NUP153: variants seen among roughly 807,000 people sequenced by gnomAD.
NUP153 encodes nuclear pore complex protein Nup153.
In NUP153, 27 loss-of-function variants were observed where a neutral mutation model predicts 134.6. The observed-to-expected ratio is 0.20, with a 90% CI of 0.15 to 0.28. NUP153 has a LOEUF of 0.28. Ranked by LOEUF, NUP153 falls within the 10% of genes least tolerant of loss-of-function variation. The pLI is 1.00. For synonymous variants in NUP153, 640 were observed against 623.5 expected (o/e 1.03, Z -0.40); for missense variants, 1,821 against 1,731.3 (o/e 1.05, Z -0.92).
intron 2 of NUP153, among the ~76,000 whole-genome samples, chr6:17,678,253 G>A (rs1427533487): frequency 6.6e-6 from 1 of 150,714 alleles, no homozygotes; most frequent in East Asian, 2.0e-4. Flanking sequence ...CTACCTGGGA[G>A]GCTGAAGCAC....
intron 18 of NUP153, among the ~76,000 whole-genome samples, chr6:17,627,415 A>G (rs1453886564): frequency 6.6e-6 from 1 of 152,202 alleles, no homozygotes; most frequent in African/African-American, 2.4e-5. Flanking sequence ...ATTATTCAAA[A>G]GTATTCATGG....
chr6:17,643,289 T>C (rs923671491), intron 14 of NUP153, among the ~76,000 whole-genome samples: 4 of 152,140 alleles, frequency 2.6e-5, no homozygotes, highest in Admixed American at 2.6e-4. Context: ...CCTGGCAACA[T>C]GACGAAACCC....
Position 17,629,200 on chromosome 6 carries a change from A to G in NUP153, c.2999T>C (p.Phe1000Ser). The change falls in exon 18 of 22, where the codon TTT becomes TCT. Residue 1000 changes from phenylalanine (F) to serine (S), a missense_variant. Physicochemically the swap from Phe to Ser is radical, Grantham distance 155. Transcript: ENST00000262077. The stretch of plus-strand genomic sequence containing the variant: ...TTCCTGTCCAAGATTAGATACCCCA[A>G]ATTGAAATGGAGTTAAAGAAACTGG... ...SNPVSLTPFQFGVSNLGQEEK... is the reference protein window; with the variant it reads ...SNPVSLTPFQSGVSNLGQEEK... 3 of 1,613,340 alleles carry G rather than the reference A, an allele frequency of 1.9e-6. No individual in the cohort carries two copies. Among genetic ancestry groups the G allele is most frequent in the Non-Finnish European group, 2.5e-6 (3 of 1,179,858 alleles).
chr6:17,691,045 G>A (rs1166329138), intron 1 of NUP153, among the ~76,000 whole-genome samples: 1 of 152,180 alleles, frequency 6.6e-6, no homozygotes, highest in Non-Finnish European at 1.5e-5. Flanking sequence ...AGGAGGCTGA[G>A]GCAGGAAAAT....
intron 16 of NUP153, among the ~76,000 whole-genome samples, chr6:17,634,223 T>C (rs930853516): frequency 1.1e-4 from 16 of 152,312 alleles, no homozygotes; most frequent in African/African-American, 3.6e-4. Flanking sequence ...CAGTGCCATG[T>C]AGTTTTTGTT....
rs574054743 is a variant in NUP153 at position 17,669,474 on chromosome 6, G to A, written c.925C>T (p.Arg309Trp). Residue 309 changes from arginine to tryptophan, a missense_variant, in exon 6 of 22, where the codon CGG becomes TGG. By Grantham distance (101) the Arg-to-Trp change is moderately radical. Transcript: ENST00000262077. ...QSYGVTSSTA[R>W]RILQSLEKMS... Reference sequence around the variant, plus strand: ...TTCTCTAAAGACTGCAATATTCGCCGAGCTGTTGAACTGGTCACACCGTAA... The same window carrying A: ...TTCTCTAAAGACTGCAATATTCGCCAAGCTGTTGAACTGGTCACACCGTAA... The A allele has an allele frequency of 8.7e-6, 14 of 1,614,012 alleles. No individual in the cohort carries two copies. Among genetic ancestry groups the A allele is most frequent in the Admixed American group, 1.7e-5 (1 of 60,016 alleles).
intron 14 of NUP153, among the ~76,000 whole-genome samples, chr6:17,645,556 G>A (rs1262034568): frequency 6.6e-6 from 1 of 150,786 alleles, no homozygotes; most frequent in African/African-American, 2.4e-5. Context: ...TCCCACCACA[G>A]CCTCCCAAAC....
chr6:17,685,964 G>A (rs1768896801), intron 2 of NUP153, among the ~76,000 whole-genome samples: 2 of 152,006 alleles, frequency 1.3e-5, no homozygotes, highest in South Asian at 2.1e-4. Context: ...AAGCAACAGA[G>A]TTTGACCTCG....
chr6:17,635,494 C>T (rs1010141220), intron 16 of NUP153, among the ~76,000 whole-genome samples: 22 of 152,120 alleles, frequency 1.4e-4, no homozygotes, highest in Admixed American at 5.2e-4. Context: ...CTCTACCTCC[C>T]GAGCTCAAGC....
At chr6:17,639,326 G>A (rs1044912633) in intron 15 of NUP153, among the ~76,000 whole-genome samples, 8 of 152,094 alleles carry the variant, frequency 5.3e-5, no homozygotes, top group African/African-American at 1.2e-4. Flanking sequence ...TGATCTGCCC[G>A]TCTTGGCCTC....
intron 11 of NUP153, among the ~76,000 whole-genome samples, chr6:17,650,260 T>A (rs377564469): frequency 6.6e-6 from 1 of 152,192 alleles, no homozygotes; most frequent in Non-Finnish European, 1.5e-5. Flanking sequence ...GTTCTCTTCA[T>A]GAGTTGCTGC....
chr6:17,669,609 T>C (rs1767775392), intron 5 of NUP153, 63 bp from the exon 6 acceptor site: 1 of 1,107,252 alleles, frequency 9.0e-7, no homozygotes. Context: ...TTTCATGCAG[T>C]GAAAATATTT....
intron 14 of NUP153, among the ~76,000 whole-genome samples, chr6:17,644,868 G>A (rs1488442047): frequency 1.3e-5 from 2 of 152,068 alleles, no homozygotes; most frequent in Non-Finnish European, 2.9e-5. Flanking sequence ...GGCAGATCAC[G>A]AGGTTAGGAG....
Position 17,669,021 on chromosome 6 carries a change from T to G in NUP153, c.1022A>C (p.Asp341Ala). 2.3e-6 allele frequency: 3 copies of G among 1,307,758 alleles called. No individual in the cohort carries two copies. The highest frequency in any genetic ancestry group is 1.6e-5 in the African/African-American group (1 of 61,492). The allele number at this position is 1,307,758 out of a possible 1,614,324, so 81.0% of individuals were successfully genotyped here. The part of the protein sequence containing the change: ...IVSSPLNSPL[D>A]RSGIDITDFQ... Reference sequence around the variant, plus strand: ...ATCTGTGATATCTATCCCACTCCTATCAAGAGGCTGAAAAAAAAAAAAAAC... The same window carrying G: ...ATCTGTGATATCTATCCCACTCCTAGCAAGAGGCTGAAAAAAAAAAAAAAC... The change falls in exon 8 of 22, where the codon GAT becomes GCT. Residue 341 changes from aspartate to alanine, a missense_variant. By Grantham distance (126) the Asp-to-Ala change is moderately radical. Coordinates refer to ENST00000262077, the MANE Select transcript of NUP153 (RefSeq NM_005124.4).
chr6:17,641,631 A>G (rs1375593386), intron 14 of NUP153, among the ~76,000 whole-genome samples: 1 of 152,198 alleles, frequency 6.6e-6, no homozygotes, highest in Non-Finnish European at 1.5e-5. Flanking sequence ...AGGCAGGCAG[A>G]TCACGAGGTC....
intron 1 of NUP153, among the ~76,000 whole-genome samples, chr6:17,696,003 C>T (rs111966122): frequency 0.062 from 9,277 of 150,370 alleles, 385 homozygotes; most frequent in Non-Finnish European, 0.083. Context: ...AGTGAGACTC[C>T]GTCTCAAAAA....
At chr6:17,665,424 A>G (rs963451783) in intron 8 of NUP153, 39 bp from the exon 9 acceptor site, 2 of 1,529,408 alleles carry the variant, frequency 1.3e-6, no homozygotes, top group Non-Finnish European at 1.8e-6. Context: ...TTATTTTCAT[A>G]TAAATCAATG....
At chr6:17,641,083 C>A (rs1328559466) in intron 14 of NUP153, among the ~76,000 whole-genome samples, 1 of 152,152 alleles carries the variant, frequency 6.6e-6, no homozygotes, top group Non-Finnish European at 1.5e-5. Flanking sequence ...ATTTAGAGAT[C>A]TACATTTTCA....
intron 14 of NUP153, among the ~76,000 whole-genome samples, chr6:17,644,436 A>G (rs1478298861): frequency 6.6e-6 from 1 of 152,342 alleles, no homozygotes; most frequent in East Asian, 1.9e-4. Flanking sequence ...ATAGCATTCC[A>G]GAACTTTTAG....
Sources: allele counts gnomAD v4.1 joint callset (sites outside exome capture counted in the v4.1 genomes callset), GRCh38; gene constraint gnomAD v4.1.1; transcripts MANE v1.5; gene names NCBI Gene and HGNC (gene_info 2026-07-23, HGNC 2026-07-21).